CCSER1: variants seen among roughly 807,000 people sequenced by gnomAD.
The protein encoded by CCSER1 is coiled-coil serine rich protein 1.
In CCSER1, 41 loss-of-function variants were observed where a neutral mutation model predicts 82.0. That is an observed-to-expected ratio of 0.50 (90% confidence interval 0.39 to 0.65). The LOEUF is 0.65. Among genes scored for constraint, CCSER1 ranks in the 30% least tolerant of loss-of-function variants. The pLI, the probability that CCSER1 is intolerant of heterozygous loss-of-function variation, is 0.00. For synonymous variants in CCSER1, 414 were observed against 383.9 expected, an observed-to-expected ratio of 1.08 and a Z score of -0.92; for missense variants, 1,119 against 1,064.2, an observed-to-expected ratio of 1.05 and a Z score of -0.72.
intron 5 of CCSER1, among the ~76,000 whole-genome samples, chr4:90,575,882 G>A (rs1200760661): frequency 6.6e-6 from 1 of 151,930 alleles, no homozygotes; most frequent in East Asian, 1.9e-4. Context: ...ATACACTTCT[G>A]TCTTCACTCT....
chr4:90,467,843 A>T (rs1226496382), intron 4 of CCSER1, among the ~76,000 whole-genome samples: 1 of 152,218 alleles, frequency 6.6e-6, no homozygotes, highest in African/African-American at 2.4e-5. Flanking sequence ...GGGAAGGGGT[A>T]CCACAGGAGG....
At chr4:90,140,531 TGAA>T (rs1368982779) in intron 1 of CCSER1, among the ~76,000 whole-genome samples, 6 of 152,150 alleles carry the variant, frequency 3.9e-5, no homozygotes, top group Admixed American at 1.3e-4. Flanking sequence ...TTTTTTGACA[TGAA>T]GACAAACTTG....
intron 10 of CCSER1, among the ~76,000 whole-genome samples, chr4:91,522,425 T>G (rs1760526878): frequency 6.6e-6 from 1 of 152,214 alleles, no homozygotes; most frequent in Non-Finnish European, 1.5e-5. Flanking sequence ...CATTGGTAGC[T>G]TGATGGGGAT....
chr4:90,660,291 G>A (rs953576053), intron 6 of CCSER1, among the ~76,000 whole-genome samples: 3 of 151,884 alleles, frequency 2.0e-5, no homozygotes, highest in Non-Finnish European at 2.9e-5. Context: ...AGTGTCCATC[G>A]TCGATGGACA....
intron 10 of CCSER1, among the ~76,000 whole-genome samples, chr4:91,241,914 A>G (rs962428054): frequency 6.6e-5 from 10 of 152,238 alleles, no homozygotes; most frequent in African/African-American, 2.2e-4. Flanking sequence ...TAAAAACCCT[A>G]ATATCTCTAT....
chr4:91,396,000 C>T (rs1475241446), intron 10 of CCSER1, among the ~76,000 whole-genome samples: 1 of 152,002 alleles, frequency 6.6e-6, no homozygotes, highest in Non-Finnish European at 1.5e-5. Flanking sequence ...TGATGCCTGC[C>T]CCTGCTTCTT....
At chr4:91,165,811 T>G (rs948893808) in intron 10 of CCSER1, among the ~76,000 whole-genome samples, 36 of 152,196 alleles carry the variant, frequency 2.4e-4, no homozygotes, top group Admixed American at 2.0e-3. Flanking sequence ...TGCAGGATTG[T>G]CCCAATGTTC....
At chr4:90,569,368 A>G (rs1779841210) in intron 5 of CCSER1, among the ~76,000 whole-genome samples, 2 of 152,194 alleles carry the variant, frequency 1.3e-5, no homozygotes, top group Admixed American at 1.3e-4. Context: ...AAAGCTGACA[A>G]TACTGGAAGA....
chr4:90,777,699 T>G (rs1300913542), intron 7 of CCSER1, among the ~76,000 whole-genome samples: 2 of 152,190 alleles, frequency 1.3e-5, no homozygotes, highest in African/African-American at 4.8e-5. Context: ...TTAACTACTT[T>G]AAACACATTA....
At chr4:90,182,797 C>G (rs943461004) in intron 1 of CCSER1, among the ~76,000 whole-genome samples, 4 of 151,808 alleles carry the variant, frequency 2.6e-5, no homozygotes, top group Non-Finnish European at 2.9e-5. Context: ...ATACCTTTAT[C>G]CAGAAGGAAA....
intron 1 of CCSER1, among the ~76,000 whole-genome samples, chr4:90,226,913 G>T (rs974383614): frequency 6.6e-6 from 1 of 152,204 alleles, no homozygotes; most frequent in South Asian, 2.1e-4. Context: ...TTCTTCCAAT[G>T]TAGGATTCAC....
rs563819083 is a variant in CCSER1, at chr4:90,823,644, C to T, written c.2094+7799C>T. On this transcript the variant is annotated intron_variant, in intron 8 of 10. Coordinates refer to ENST00000509176, the MANE Select transcript of CCSER1 (RefSeq NM_001145065.2). ...CAAAACAAAAGAATAGTGTGTGAAC[C>T]GTGAGCTCTCTATTTTGGGGGGGGA... is the stretch of plus-strand genomic sequence containing the variant. Among the ~76,000 whole-genome samples, 8 of 151,842 alleles carry T rather than the reference C, an allele frequency of 5.3e-5. No homozygotes were observed. In the South Asian group the frequency reaches 1.0e-3, roughly 20 times the overall value.
Position 91,598,609 on chromosome 4 carries a change from G to A in CCSER1, c.2255G>A (p.Ser752Asn). The A allele has an allele frequency of 6.4e-7, 1 of 1,550,798 alleles. No homozygotes were observed. The highest frequency in any genetic ancestry group is 8.7e-7 in the Non-Finnish European group (1 of 1,146,474). The part of the protein sequence containing the change: ...YRNRIVSQNL[S>N]TRDRKAIHTP... ...AATCGAATTGTGAGCCAAAATCTCA[G>A]CACAAGGGACAGAAAAGCAATACAT... The change falls in exon 11 of 11, where the codon AGC becomes AAC. Residue 752 changes from serine (S) to asparagine (N), a missense_variant. Ser to Asn is a conservative substitution (Grantham distance 46). Transcript: ENST00000509176.
intron 7 of CCSER1, among the ~76,000 whole-genome samples, chr4:90,759,576 G>C (rs987607229): frequency 6.6e-6 from 1 of 152,052 alleles, no homozygotes; most frequent in Non-Finnish European, 1.5e-5. Flanking sequence ...TTGCACCATG[G>C]CCAATTTCAA....
chr4:90,691,628 G>T (rs13106762), intron 6 of CCSER1, among the ~76,000 whole-genome samples: 3 of 151,202 alleles, frequency 2.0e-5, no homozygotes, highest in African/African-American at 7.3e-5. Flanking sequence ...ATATGTGTAT[G>T]TATATATATC....
At chr4:90,290,403 A>G (rs183444834) in intron 1 of CCSER1, among the ~76,000 whole-genome samples, 1 of 152,050 alleles carries the variant, frequency 6.6e-6, no homozygotes. Context: ...CAAAGCAAAT[A>G]GGGTCTCTTT....
chr4:91,199,003 C>T (rs185332485), intron 10 of CCSER1, among the ~76,000 whole-genome samples: 88 of 152,288 alleles, frequency 5.8e-4, no homozygotes, highest in African/African-American at 2.0e-3. Flanking sequence ...AAGACGGCTG[C>T]AGCATCTCCA....
chr4:90,459,756 A>G (rs10027366), intron 4 of CCSER1, among the ~76,000 whole-genome samples: 2,945 of 152,284 alleles, frequency 0.019, 85 homozygotes, highest in African/African-American at 0.067. Flanking sequence ...CACTTTATTC[A>G]TAATTTGTTT....
chr4:90,796,339 T>G (rs746544620), intron 7 of CCSER1, among the ~76,000 whole-genome samples: 7 of 151,642 alleles, frequency 4.6e-5, no homozygotes, highest in Non-Finnish European at 7.4e-5. Context: ...GGTAATACCT[T>G]CTTTGTTGTT....
Sources: gnomAD v4.1 joint callset for allele counts (sites outside exome capture counted in the v4.1 genomes callset) on GRCh38, gnomAD v4.1.1 for gene constraint, MANE v1.5 for transcripts, NCBI Gene and HGNC (gene_info 2026-07-23, HGNC 2026-07-21) for gene names.